Variants in GPALPP1 observed in about 807,000 individuals in gnomAD.
The protein encoded by GPALPP1 is GPALPP motifs containing 1, also known as GPALPP motifs-containing protein 1.
A neutral mutation model predicts 38.9 loss-of-function variants in GPALPP1; 30 were observed. That is an observed-to-expected ratio of 0.77 (90% CI 0.58 to 1.05). The LOEUF (loss-of-function observed/expected upper bound fraction) is 1.05, where lower values mean the gene tolerates loss of function less well. Among genes scored for constraint, GPALPP1 ranks in the 50% least tolerant of loss-of-function variants. The pLI, the probability that GPALPP1 is intolerant of heterozygous loss-of-function variation, is 0.00. For synonymous variants in GPALPP1, 120 were observed against 139.2 expected, an observed-to-expected ratio of 0.86 and a Z score of 0.97; for missense variants, 384 against 408.8, an observed-to-expected ratio of 0.94 and a Z score of 0.52.
chr13:44,995,099 G>A (rs564977598), intron 1 of GPALPP1, among the ~76,000 whole-genome samples: 12 of 150,788 alleles, frequency 8.0e-5, no homozygotes, highest in East Asian at 2.0e-4. Flanking sequence ...TGATCCTCTC[G>A]CTTTGGCCTC....
chr13:44,998,480 C>G (rs545598215), intron 1 of GPALPP1, among the ~76,000 whole-genome samples: 1 of 152,244 alleles, frequency 6.6e-6, no homozygotes, highest in Non-Finnish European at 1.5e-5. Flanking sequence ...CTTCCTTGAC[C>G]TCACAGCAAC....
intron 6 of GPALPP1, 60 bp from the exon 7 acceptor site, chr13:45,020,270 A>AT (rs1875313017): frequency 2.8e-6 from 2 of 709,152 alleles, no homozygotes; most frequent in Non-Finnish European, 5.0e-6. Flanking sequence ...AATAATATTT[A>AT]TTTTTTGTTT....
chr13:45,032,649 G>T (rs540321474), downstream of GPALPP1, among the ~76,000 whole-genome samples: 1 of 150,282 alleles, frequency 6.7e-6, no homozygotes, highest in Non-Finnish European at 1.5e-5. Context: ...CAGGTGATCC[G>T]CCCACCTCAG....
chr13:44,999,869 C>T (rs148425466), intron 1 of GPALPP1, among the ~76,000 whole-genome samples: 374 of 152,258 alleles, frequency 2.5e-3, no homozygotes, highest in Non-Finnish European at 4.6e-3. Context: ...TGAGCCACTG[C>T]GCCTGGCCCC....
chr13:45,020,585 T>A (rs897617459), intron 7 of GPALPP1, among the ~76,000 whole-genome samples, 157 bp downstream of exon 7: 1 of 151,138 alleles, frequency 6.6e-6, no homozygotes, highest in Non-Finnish European at 1.5e-5. Flanking sequence ...ACAATTTTTT[T>A]AAATTAGCCA....
chr13:45,019,101 A>T (rs1402647276), intron 6 of GPALPP1, among the ~76,000 whole-genome samples: 3 of 133,272 alleles, frequency 2.3e-5, no homozygotes, highest in Non-Finnish European at 3.1e-5. Context: ...ATATATATTT[A>T]TATATATTTA....
chr13:45,008,762 G>T, intron 3 of GPALPP1, 33 bp from the exon 4 acceptor site: 1 of 1,119,216 alleles, frequency 8.9e-7, no homozygotes, highest in South Asian at 1.3e-5. Context: ...TTTAAAGTCA[G>T]GGAGAATGAT....
intron 4 of GPALPP1, among the ~76,000 whole-genome samples, chr13:45,013,084 A>C (rs1230893330): frequency 2.0e-5 from 3 of 152,210 alleles, no homozygotes; most frequent in Non-Finnish European, 2.9e-5. Flanking sequence ...TATGTTCTGT[A>C]TTCTCAAAAT....
exon 8 of GPALPP1, chr13:45,036,358 C>T (rs1876398482): frequency 6.6e-6 from 1 of 152,156 alleles, no homozygotes; most frequent in African/African-American, 2.4e-5. Flanking sequence ...GTTCCTTGTC[C>T]CTGGCTGACT....
intron 7 of GPALPP1, among the ~76,000 whole-genome samples, chr13:45,026,121 T>G (rs1459542923): frequency 6.6e-6 from 1 of 152,206 alleles, no homozygotes; most frequent in East Asian, 1.9e-4. Context: ...TTTTATCTCC[T>G]TCAATTTTGT....
intron 7 of GPALPP1, among the ~76,000 whole-genome samples, chr13:45,023,597 A>T (rs1242875672): frequency 1.3e-5 from 2 of 152,170 alleles, no homozygotes; most frequent in Non-Finnish European, 2.9e-5. Flanking sequence ...CTACAACTCC[A>T]TTCTTTCTCA....
chr13:44,993,681 C>CAAA (rs148313017), intron 1 of GPALPP1, among the ~76,000 whole-genome samples: 2 of 109,754 alleles, frequency 1.8e-5, no homozygotes, highest in Non-Finnish European at 3.8e-5. Context: ...GACTCCGTCT[C>CAAA]AAAAAAAAAA....
intron 1 of GPALPP1, among the ~76,000 whole-genome samples, chr13:44,995,156 GC>G (rs1231109458): frequency 1.3e-5 from 1 of 78,008 alleles, no homozygotes; most frequent in Non-Finnish European, 2.7e-5. Context: ...CCAGACACAA[GC>G]CCCTATCTTT....
chr13:44,995,203 C>CACACACA (rs10658655), intron 1 of GPALPP1, among the ~76,000 whole-genome samples: 3 of 34,944 alleles, frequency 8.6e-5, no homozygotes, highest in East Asian at 3.7e-3. Flanking sequence ...CACACACACA[C>CACACACA]CCCTTCTCTT....
At chr13:45,023,272 C>T (rs1387555218) in intron 7 of GPALPP1, among the ~76,000 whole-genome samples, 1 of 151,198 alleles carries the variant, frequency 6.6e-6, no homozygotes, top group Non-Finnish European at 1.5e-5. Flanking sequence ...TCCTGTGTGT[C>T]ACAATATGCA....
Position 45,019,016 on chromosome 13 carries a change from TACACATATAAATATATACATAGAA to T in GPALPP1, c.706-1312_706-1289del, listed in dbSNP as rs1566081930. ...AAATATATATACATATAAATATATA[TACACATATAAATATATACATAGAA>T]ATATATAAATATAAATATATACATA... On this transcript the variant is annotated intron_variant, in intron 6 of 7. Transcript: ENST00000379151. Among the ~76,000 whole-genome samples, 3 of 94,238 alleles carry T rather than the reference TACACATATAAATATATACATAGAA, an allele frequency of 3.2e-5. No homozygotes were observed. In the East Asian group the frequency reaches 9.6e-4, roughly 30 times the overall value. The allele number at this position is 94,238 out of a possible 152,430, so 61.8% of individuals were successfully genotyped here. A position where few individuals can be genotyped will look rare whatever the true frequency, so the allele number is the denominator to read the frequency against.
intron 1 of GPALPP1, among the ~76,000 whole-genome samples, chr13:44,999,106 T>A (rs1380622749): frequency 6.6e-5 from 10 of 152,218 alleles, no homozygotes; most frequent in African/African-American, 2.4e-4. Flanking sequence ...AATTTTTTTG[T>A]AATACAGGTC....
intron 6 of GPALPP1, among the ~76,000 whole-genome samples, chr13:45,018,301 A>G (rs187335772): frequency 5.1e-4 from 78 of 152,014 alleles, no homozygotes; most frequent in Middle Eastern, 6.8e-3. Context: ...GGAGGCTGAG[A>G]CAGGAGAATG....
rs1566082105 is a variant in GPALPP1 at position 45,019,068 on chromosome 13, A to ATATGT, written c.706-1262_706-1261insTATGT. 6.0e-5 allele frequency among the ~76,000 whole-genome samples: 7 copies of ATATGT among 117,336 alleles called. 1 individual carries two copies. Among genetic ancestry groups the ATATGT allele is most frequent in the Non-Finnish European group, 9.8e-5 (6 of 61,250 alleles). 77.0% of individuals were successfully genotyped at this position (117,336 alleles called of 152,430 possible). On this transcript the variant is annotated intron_variant, in intron 6 of 7. Coordinates refer to ENST00000379151, the MANE Select transcript of GPALPP1 (RefSeq NM_018559.5). ...ATATAAATATAAATATATACATATAAATATATACATATAAATATATGTATA... is the reference window on the plus strand; with the variant it reads ...ATATAAATATAAATATATACATATAATATGTATATATACATATAAATATATGTATA...
Sources: allele counts gnomAD v4.1 joint callset (sites outside exome capture counted in the v4.1 genomes callset), GRCh38; gene constraint gnomAD v4.1.1; transcripts MANE v1.5; gene names NCBI Gene and HGNC (gene_info 2026-07-23, HGNC 2026-07-21).